Variants in HS1BP3 observed in about 807,000 individuals in gnomAD.
HS1BP3 encodes the protein HCLS1-binding protein 3.
In HS1BP3, 32 loss-of-function variants were observed where a neutral mutation model predicts 33.5. The observed-to-expected ratio is 0.95, with a 90% confidence interval of 0.72 to 1.28. HS1BP3 has a LOEUF of 1.28. Ranked by LOEUF, HS1BP3 falls within the 50% of genes most tolerant of loss-of-function variation. The pLI, the probability that HS1BP3 is intolerant of heterozygous loss-of-function variation, is 0.00. For missense variants in HS1BP3, 486 were observed against 502.3 expected (o/e 0.97, Z 0.31); for synonymous variants, 187 against 209.2 (o/e 0.89, Z 0.92).
chr2:20,585,504 G>C (rs1290370257), intron 5 of HS1BP3, among the ~76,000 whole-genome samples: 1 of 152,194 alleles, frequency 6.6e-6, no homozygotes, highest in Non-Finnish European at 1.5e-5. Context: ...AACAGGCTCA[G>C]AGAAGATAAG....
In HS1BP3 at chr2:20,642,839, C is replaced by T. The variant is rs201408232; in HGVS notation, c.199-1659G>A. ...AGAACTCACATTTATCTGGTGCCCC[C>T]GTGTGCCAGGCACTGCTGAGCACGG... On this transcript the variant is annotated intron_variant, in intron 2 of 6. Coordinates refer to ENST00000304031, the MANE Select transcript of HS1BP3 (RefSeq NM_022460.4). Among the ~76,000 whole-genome samples the T allele has an allele frequency of 3.9e-5, 6 of 152,324 alleles. No individual in the cohort carries two copies. The East Asian group carries it at 9.7e-4, about 25-fold the overall frequency.
chr2:20,633,329 T>C (rs1318696182), intron 4 of HS1BP3, among the ~76,000 whole-genome samples: 2 of 152,198 alleles, frequency 1.3e-5, no homozygotes, highest in Non-Finnish European at 2.9e-5. Context: ...AAAGATCCAG[T>C]CCTCACTTGT....
intron 3 of HS1BP3, 55 bp from the exon 4 acceptor site, chr2:20,638,707 G>GA: frequency 7.0e-7 from 1 of 1,419,672 alleles, no homozygotes; most frequent in Non-Finnish European, 9.8e-7. Context: ...AGCCAGGGGA[G>GA]GCATCTTGCC....
intron 5 of HS1BP3, among the ~76,000 whole-genome samples, chr2:20,572,943 G>A (rs1693311023): frequency 6.6e-6 from 1 of 152,184 alleles, no homozygotes; most frequent in Non-Finnish European, 1.5e-5. Context: ...CCATCACTCT[G>A]TGGTCCCCAG....
At chr2:20,599,907 C>G (rs980517634) in intron 2 of HS1BP3, among the ~76,000 whole-genome samples, 1 of 152,156 alleles carries the variant, frequency 6.6e-6, no homozygotes, top group African/African-American at 2.4e-5. Flanking sequence ...AAGTTCCACT[C>G]TGTGAAGTCA....
chr2:20,648,137 G>A (rs1022450359), intron 1 of HS1BP3, among the ~76,000 whole-genome samples: 1 of 152,108 alleles, frequency 6.6e-6, no homozygotes, highest in African/African-American at 2.4e-5. Context: ...CCTCTTTTTC[G>A]CACCATCGAT....
At chr2:20,625,825 C>T (rs1572344860) in intron 4 of HS1BP3, among the ~76,000 whole-genome samples, 1 of 152,198 alleles carries the variant, frequency 6.6e-6, no homozygotes, top group Non-Finnish European at 1.5e-5. Flanking sequence ...GATAAGTAAA[C>T]ACGCATGGAG....
chr2:20,643,285 A>G (rs1034911569), intron 2 of HS1BP3, among the ~76,000 whole-genome samples: 2 of 152,228 alleles, frequency 1.3e-5, no homozygotes, highest in Admixed American at 6.5e-5. Flanking sequence ...TACACCTTGC[A>G]TGTAAGGCCG....
intron 3 of HS1BP3, among the ~76,000 whole-genome samples, chr2:20,593,308 A>G (rs72782367): frequency 0.098 from 14,947 of 151,936 alleles, 816 homozygotes; most frequent in South Asian, 0.19. Context: ...CATCACCATC[A>G]CACGTGCCGG....
intron 3 of HS1BP3, among the ~76,000 whole-genome samples, chr2:20,597,898 T>C (rs1693979726): frequency 6.6e-6 from 1 of 152,140 alleles, no homozygotes; most frequent in South Asian, 2.1e-4. Flanking sequence ...TGAGAGGGCC[T>C]GGCAGGGGAG....
At chr2:20,593,546 T>A (rs1290166528) in intron 3 of HS1BP3, among the ~76,000 whole-genome samples, 2 of 152,108 alleles carry the variant, frequency 1.3e-5, no homozygotes, top group African/African-American at 4.8e-5. Flanking sequence ...ACCTCTGAGC[T>A]CCTGGTGTAC....
At chr2:20,554,943 C>T in the HS1BP3 span, among the ~76,000 whole-genome samples, 1 of 152,192 alleles carries the variant, frequency 6.6e-6, no homozygotes, top group Non-Finnish European at 1.5e-5. Flanking sequence ...CCACCGTGGC[C>T]ACCTTTCCAG....
intron 4 of HS1BP3, among the ~76,000 whole-genome samples, chr2:20,630,761 G>T (rs140501348): frequency 2.2e-3 from 341 of 152,348 alleles, no homozygotes; most frequent in Non-Finnish European, 3.6e-3. Flanking sequence ...TTCAGAGAAG[G>T]CCAGGATGGA....
chr2:20,556,845 AAC>A (rs1304009580), downstream of HS1BP3, among the ~76,000 whole-genome samples: 3 of 152,178 alleles, frequency 2.0e-5, no homozygotes, highest in African/African-American at 7.2e-5. Context: ...CCAAAGAAGA[AAC>A]ACACTCTTCT....
intron 3 of HS1BP3, among the ~76,000 whole-genome samples, chr2:20,596,519 C>T (rs1289754770): frequency 6.6e-6 from 1 of 152,206 alleles, no homozygotes; most frequent in Non-Finnish European, 1.5e-5. Flanking sequence ...GTGAACCAGA[C>T]AGCAGGCCCT....
In HS1BP3 at chr2:20,618,628, GC is replaced by G; in HGVS notation, c.*358del. On this transcript the variant is annotated 3_prime_UTR_variant, in exon 7 of 7. Transcript: ENST00000304031. Reference sequence around the variant, plus strand: ...GGCTGGCAGAACCCGTGGGCATGAAGCTTCCCTGCCCCATGTGACACCTCGC... The same window carrying G: ...GGCTGGCAGAACCCGTGGGCATGAAGTTCCCTGCCCCATGTGACACCTCGC... 1 of 967,634 alleles carries G rather than the reference GC, an allele frequency of 1.0e-6. No individual in the cohort carries two copies. The highest frequency in any genetic ancestry group is 3.9e-5 in the South Asian group (1 of 25,548). The allele number at this position is 967,634 out of a possible 1,614,324, so 59.9% of individuals were successfully genotyped here.
At chr2:20,645,199 G>T in intron 2 of HS1BP3, 141 bp downstream of exon 2, 1 of 769,768 alleles carries the variant, frequency 1.3e-6, no homozygotes, top group Non-Finnish European at 2.1e-6. Context: ...GTCTAGCATG[G>T]TCTGGTACTC....
At chr2:20,576,007 T>C (rs1476334055) in intron 5 of HS1BP3, among the ~76,000 whole-genome samples, 1 of 149,742 alleles carries the variant, frequency 6.7e-6, no homozygotes, top group Admixed American at 6.6e-5. Flanking sequence ...GTTTTGTTTT[T>C]TGAGACAGGG....
intron 2 of HS1BP3, among the ~76,000 whole-genome samples, chr2:20,607,105 T>C (rs1411493612): frequency 6.6e-6 from 1 of 151,868 alleles, no homozygotes; most frequent in Non-Finnish European, 1.5e-5. Context: ...ATTTAGGTCT[T>C]TGATTTATGT....
Sources: gnomAD v4.1 joint callset for allele counts (sites outside exome capture counted in the v4.1 genomes callset) on GRCh38, gnomAD v4.1.1 for gene constraint, MANE v1.5 for transcripts, NCBI Gene and HGNC (gene_info 2026-07-23, HGNC 2026-07-21) for gene names.